The following IFNG variants were observed in gnomAD, a reference collection of about 807,000 sequenced individuals.
IFNG encodes interferon gamma.
In IFNG, 8 loss-of-function variants were observed where a neutral mutation model predicts 14.4. The ratio of observed to expected loss-of-function variants is 0.56; its 90% CI spans 0.33 to 1.00. The LOEUF is 1.00. Ranked by LOEUF, IFNG falls within the 50% of genes least tolerant of loss-of-function variation. The probability of loss-of-function intolerance (pLI) is 0.03; values close to 1 mark genes in which losing one functional copy is unlikely to be tolerated. For synonymous variants in IFNG, 73 were observed against 65.4 expected (o/e 1.12, Z -0.56); for missense variants, 132 against 194.9 (o/e 0.68, Z 1.92).
chr12:68,159,481 C>A (rs565663279), intron 1 of IFNG, 21 bp downstream of exon 1: 1 of 1,154,734 alleles, frequency 8.7e-7, no homozygotes, highest in South Asian at 1.3e-5. Context: ...CAAACAAGTA[C>A]TATTAAAAAG....
intron 3 of IFNG, among the ~76,000 whole-genome samples, chr12:68,157,030 A>T (rs1480278930): frequency 2.0e-5 from 3 of 152,166 alleles, no homozygotes; most frequent in African/African-American, 4.8e-5. Context: ...CTTCTAGAAA[A>T]CATTTTGAAA....
chr12:68,155,987 G>C (rs116174811), intron 3 of IFNG, among the ~76,000 whole-genome samples: 1 of 152,138 alleles, frequency 6.6e-6, no homozygotes. Flanking sequence ...GTGCATAGCA[G>C]ATTAATCCGG....
chr12:68,158,333 T>C (rs1393471469), intron 1 of IFNG, 74 bp from the exon 2 acceptor site: 8 of 1,000,668 alleles, frequency 8.0e-6, no homozygotes, highest in South Asian at 7.7e-5. Context: ...TCAAGTTTCA[T>C]TGAACTCAGA....
chr12:68,157,388 AAAG>A (rs1882616710), intron 3 of IFNG, among the ~76,000 whole-genome samples: 2 of 152,142 alleles, frequency 1.3e-5, no homozygotes, highest in Admixed American at 1.3e-4. Flanking sequence ...GTTTTGGAGC[AAAG>A]AAGGTCATCA....
chr12:68,155,207 A>G lies in IFNG; in HGVS notation c.*146T>C. 1 of 490,708 alleles carries G rather than the reference A, an allele frequency of 2.0e-6. No homozygotes were observed. The highest frequency in any genetic ancestry group is 3.5e-6 in the Non-Finnish European group (1 of 287,228). The allele number at this position is 490,708 out of a possible 1,614,324, so 30.4% of individuals were successfully genotyped here. A position where few individuals can be genotyped will look rare whatever the true frequency, so the allele number is the denominator to read the frequency against. On this transcript the variant is annotated 3_prime_UTR_variant, in exon 4 of 4. Transcript: ENST00000229135. ...AATTATAAATAATACATATATTAAT[A>G]GATATTCATTTTCATTACACAAAAG...
intron 1 of IFNG, among the ~76,000 whole-genome samples, chr12:68,159,289 A>G (rs910281651): frequency 2.0e-5 from 3 of 152,166 alleles, no homozygotes; most frequent in Non-Finnish European, 4.4e-5. Flanking sequence ...AAATTCATAA[A>G]TCCCTTTTAA....
chr12:68,155,339 AG>A lies in IFNG; in HGVS notation c.*13del, dbSNP rs954624355. ...TTTAGATTTAAAATTCAAATATTGC[AG>A]GCAGGACAACCATTACTGGGATGCT... On this transcript the variant is annotated 3_prime_UTR_variant, in exon 4 of 4. Transcript: ENST00000229135. The A allele has an allele frequency of 1.3e-6, 2 of 1,566,694 alleles. No homozygotes were observed. The highest frequency in any genetic ancestry group is 2.7e-5 in the African/African-American group (2 of 73,298).
chr12:68,158,952 A>G (rs1162699084), intron 1 of IFNG, among the ~76,000 whole-genome samples: 1 of 152,224 alleles, frequency 6.6e-6, no homozygotes, highest in East Asian at 1.9e-4. Context: ...TAATTCTTCC[A>G]AAATCCCAGT....
chr12:68,159,620 T>C lies in IFNG; in HGVS notation c.-5A>G, dbSNP rs181407537. ...GATATAACTTGTATATTTCATCGTT[T>C]CCGAGAGAATTAAGCCAAAGAAGTT... On this transcript the variant is annotated 5_prime_UTR_variant, in exon 1 of 4. Coordinates refer to ENST00000229135, the MANE Select transcript of IFNG (RefSeq NM_000619.3). 6.6e-4 allele frequency: 993 copies of C among 1,510,620 alleles called. 5 individuals carry two copies. The highest frequency in any genetic ancestry group is 5.6e-3 in the Middle Eastern group (33 of 5,884). 93.6% of individuals were successfully genotyped at this position (1,510,620 alleles called of 1,614,324 possible).
intron 1 of IFNG, among the ~76,000 whole-genome samples, chr12:68,159,114 C>G (rs1882647465): frequency 6.6e-6 from 1 of 152,106 alleles, no homozygotes; most frequent in Non-Finnish European, 1.5e-5. Context: ...TTTCCTATTA[C>G]CTTTTTAATG....
In IFNG at chr12:68,159,611, T is replaced by G. The variant is rs768834812; in HGVS notation, c.5A>C (p.Lys2Thr). The change falls in exon 1 of 4, where the codon AAA becomes ACA. Residue 2 changes from lysine (K) to threonine (T), a missense_variant. Lys to Thr is a moderately conservative substitution (Grantham distance 78, BLOSUM62 -1). Transcript: ENST00000229135. M[K>T]YTSYILAFQL... ...AAAAGCCAAGATATAACTTGTATAT[T>G]TCATCGTTTCCGAGAGAATTAAGCC... The G allele has an allele frequency of 8.9e-6, 14 of 1,564,282 alleles. No homozygotes were observed. The South Asian group carries it at 1.5e-4, about 16-fold the overall frequency.
In IFNG at chr12:68,158,111, CACAA is replaced by C. The variant is rs777298201; in HGVS notation, c.184-20_184-17del. On this transcript the variant is annotated splice_polypyrimidine_tract_variant and intron_variant, in intron 2 of 3. Coordinates refer to ENST00000229135, the MANE Select transcript of IFNG (RefSeq NM_000619.3). The stretch of plus-strand genomic sequence containing the variant: ...TGTCACTCTCCTTGGAAGGAAAGAG[CACAA>C]ACAGAGGATGATGTGAATTTATCCA... The C allele has an allele frequency of 8.1e-6, 13 of 1,596,664 alleles. No individual in the cohort carries two copies. The East Asian group carries it at 1.6e-4, about 19-fold the overall frequency.
In IFNG at chr12:68,158,220, A is replaced by T. The variant is rs2120746633; in HGVS notation, c.154T>A (p.Phe52Ile). 6.2e-7 allele frequency: 1 copy of T among 1,610,344 alleles called. No homozygotes were observed. Among genetic ancestry groups the T allele is most frequent in the Non-Finnish European group, 8.5e-7 (1 of 1,178,900 alleles). ...TTCCAATTCTTCAAAATGCCTAAGAAAAGAGTTCCATTATCCGCTACATCT... is the reference window on the plus strand; with the variant it reads ...TTCCAATTCTTCAAAATGCCTAAGATAAGAGTTCCATTATCCGCTACATCT... ...HSDVADNGTL[F>I]LGILKNWKEE... Residue 52 changes from phenylalanine (F) to isoleucine (I), a missense_variant, in exon 2 of 4, where the codon TTC becomes ATC. Coordinates refer to ENST00000229135, the MANE Select transcript of IFNG (RefSeq NM_000619.3).
chr12:68,159,152 T>C (rs975116997), intron 1 of IFNG, among the ~76,000 whole-genome samples: 1 of 152,170 alleles, frequency 6.6e-6, no homozygotes, highest in Non-Finnish European at 1.5e-5. Flanking sequence ...GTCTGAGAAG[T>C]CAAAAACTAA....
rs1474369313 is a variant in IFNG, at chr12:68,155,135, A to G, written c.*218T>C. The G allele has an allele frequency of 3.1e-6, 1 of 324,600 alleles. No individual in the cohort carries two copies. The highest frequency in any genetic ancestry group is 5.5e-6 in the Non-Finnish European group (1 of 182,592). The allele number at this position is 324,600 out of a possible 1,614,324, so 20.1% of individuals were successfully genotyped here. A position where few individuals can be genotyped will look rare whatever the true frequency, so the allele number is the denominator to read the frequency against. The stretch of plus-strand genomic sequence containing the variant: ...CCTTGTAATCACATAGCCTTGCCTA[A>G]TTAGTCAGAAAACAAAGGATTAAGT... On this transcript the variant is annotated 3_prime_UTR_variant, in exon 4 of 4. Coordinates refer to ENST00000229135, the MANE Select transcript of IFNG (RefSeq NM_000619.3).
rs914454433 is a variant in IFNG, at chr12:68,159,703, T to C, written c.-88A>G. On this transcript the variant is annotated 5_prime_UTR_variant, in exon 1 of 4. Transcript: ENST00000229135. ...GTCCAAAGGACTTAACTGATCTTTC[T>C]CTTCTAATAGCTGATCTTCAGATGA... The C allele has an allele frequency of 1.6e-6, 1 of 638,618 alleles. No individual in the cohort carries two copies. Among genetic ancestry groups the C allele is most frequent in the African/African-American group, 1.8e-5 (1 of 54,966 alleles). 39.6% of individuals were successfully genotyped at this position (638,618 alleles called of 1,614,324 possible). A position where few individuals can be genotyped will look rare whatever the true frequency, so the allele number is the denominator to read the frequency against.
At chr12:68,158,427 A>G (rs1882634915) in intron 1 of IFNG, among the ~76,000 whole-genome samples, 168 bp from the exon 2 acceptor site, 1 of 152,202 alleles carries the variant, frequency 6.6e-6, no homozygotes, top group Admixed American at 6.5e-5. Context: ...TGTGAGATAT[A>G]GACAAAGACT....
At position 68,155,246 on chromosome 12, in the gene IFNG, T is replaced by C. The variant is rs886049800; in HGVS notation, c.*107A>G. ...ATTACACAAAAGTTGCTATTATAAA[T>C]ACTTATTTGATTGATGAGTCTAAAA... On this transcript the variant is annotated 3_prime_UTR_variant, in exon 4 of 4. Coordinates refer to ENST00000229135, the MANE Select transcript of IFNG (RefSeq NM_000619.3). 1 of 705,194 alleles carries C rather than the reference T, an allele frequency of 1.4e-6. No individual in the cohort carries two copies. Among genetic ancestry groups the C allele is most frequent in the Non-Finnish European group, 2.1e-6 (1 of 466,440 alleles). The allele number at this position is 705,194 out of a possible 1,614,324, so 43.7% of individuals were successfully genotyped here. A position where few individuals can be genotyped will look rare whatever the true frequency, so the allele number is the denominator to read the frequency against.
At position 68,155,183 on chromosome 12, in the gene IFNG, A is replaced by G. The variant is rs1323549561; in HGVS notation, c.*170T>C. 9 of 422,008 alleles carry G rather than the reference A, an allele frequency of 2.1e-5. No individual in the cohort carries two copies. The Admixed American group carries it at 2.5e-4, about 12-fold the overall frequency. 26.1% of individuals were successfully genotyped at this position (422,008 alleles called of 1,614,324 possible). A position where few individuals can be genotyped will look rare whatever the true frequency, so the allele number is the denominator to read the frequency against. Reference sequence around the variant, plus strand: ...AGTGAGACAGTCACAGGATATAGGAATTATAAATAATACATATATTAATAG... The same window carrying G: ...AGTGAGACAGTCACAGGATATAGGAGTTATAAATAATACATATATTAATAG... On this transcript the variant is annotated 3_prime_UTR_variant, in exon 4 of 4. Coordinates refer to ENST00000229135, the MANE Select transcript of IFNG (RefSeq NM_000619.3).
Sources: gnomAD v4.1 joint callset for allele counts (sites outside exome capture counted in the v4.1 genomes callset) on GRCh38, gnomAD v4.1.1 for gene constraint, MANE v1.5 for transcripts, NCBI Gene and HGNC (gene_info 2026-07-23, HGNC 2026-07-21) for gene names.